The following HIRA variants were observed in gnomAD, a reference collection of about 807,000 sequenced individuals.
HIRA encodes the protein protein HIRA.
HIRA carries 13 observed loss-of-function variants against 126.6 expected under a neutral mutation model. The ratio of observed to expected loss-of-function variants is 0.10; its 90% CI spans 0.07 to 0.16. The LOEUF is 0.16. HIRA is among the 10% of genes least tolerant of loss of function. HIRA has a pLI of 1.00. For synonymous variants in HIRA, 511 were observed against 520.0 expected (o/e 0.98, Z 0.24); for missense variants, 834 against 1,314.4 (o/e 0.63, Z 5.65).
chr22:19,403,844 C>T (rs2089288464), intron 5 of HIRA, among the ~76,000 whole-genome samples: 1 of 152,206 alleles, frequency 6.6e-6, no homozygotes, highest in Non-Finnish European at 1.5e-5. Flanking sequence ...AATGCACCTA[C>T]AACTAATTTA....
chr22:19,365,499 A>G lies in HIRA; in HGVS notation c.1776-3568T>C, dbSNP rs559481518. 7.9e-5 allele frequency among the ~76,000 whole-genome samples: 12 copies of G among 152,354 alleles called. No individual in the cohort carries two copies. The South Asian group carries it at 2.3e-3, about 29-fold the overall frequency. On this transcript the variant is annotated intron_variant, in intron 15 of 24. Transcript: ENST00000263208. The stretch of plus-strand genomic sequence containing the variant: ...GGCCCTTAAGAATTATTCTAAATCT[A>G]TAAATGCAACAAGAAAGCCTAGATG...
At chr22:19,415,049 G>A (rs901719859) in intron 1 of HIRA, among the ~76,000 whole-genome samples, 9 of 152,046 alleles carry the variant, frequency 5.9e-5, no homozygotes, top group African/African-American at 1.7e-4. Flanking sequence ...AAGTTCAAGC[G>A]ATTCTCCTGC....
chr22:19,431,336 G>C, intron 1 of HIRA, 104 bp downstream of exon 1: 1 of 1,297,634 alleles, frequency 7.7e-7, no homozygotes. Context: ...ACCGGGTACC[G>C]GGCGTCAGGG....
chr22:19,359,621 G>T, intron 17 of HIRA, 137 bp from the exon 18 acceptor site: 1 of 949,960 alleles, frequency 1.1e-6, no homozygotes, highest in Non-Finnish European at 1.5e-6. Flanking sequence ...AGGAGAGGGA[G>T]GGCAGGTAGG....
intron 15 of HIRA, among the ~76,000 whole-genome samples, chr22:19,362,878 TA>T (rs2032856640): frequency 6.6e-6 from 1 of 150,810 alleles, no homozygotes; most frequent in Non-Finnish European, 1.5e-5. Flanking sequence ...CTGAATCATA[TA>T]AAATACTCAG....
chr22:19,384,433 G>A (rs5746732), intron 12 of HIRA, among the ~76,000 whole-genome samples: 20,777 of 150,522 alleles, frequency 0.14, 2,839 homozygotes, highest in African/African-American at 0.35. Flanking sequence ...TATGTCAATT[G>A]TACTTCAACA....
At chr22:19,339,599 G>A (rs1320259354) in intron 24 of HIRA, among the ~76,000 whole-genome samples, 3 of 149,194 alleles carry the variant, frequency 2.0e-5, no homozygotes, top group Admixed American at 6.7e-5. Context: ...ATGCACCACT[G>A]CACTCCAGCC....
At chr22:19,400,205 C>T (rs2089256705) in intron 5 of HIRA, among the ~76,000 whole-genome samples, 1 of 152,144 alleles carries the variant, frequency 6.6e-6, no homozygotes, top group Non-Finnish European at 1.5e-5. Flanking sequence ...CCTTGTTAAC[C>T]TTGAAAAATA....
intron 5 of HIRA, 87 bp from the exon 6 acceptor site, chr22:19,398,174 AC>A: frequency 1.2e-6 from 1 of 863,432 alleles, no homozygotes; most frequent in Non-Finnish European, 1.9e-6. Context: ...GGGACCTGGG[AC>A]CATCATAACC....
Position 19,383,627 on chromosome 22 carries a change from C to G in HIRA, c.1408G>C (p.Asp470His). 3 of 1,612,984 alleles carry G rather than the reference C, an allele frequency of 1.9e-6. No homozygotes were observed. The highest frequency in any genetic ancestry group is 2.5e-6 in the Non-Finnish European group (3 of 1,178,942). The change falls in exon 13 of 25, where the codon GAC becomes CAC. Residue 470 changes from aspartate to histidine, a missense_variant. Coordinates refer to ENST00000263208, the MANE Select transcript of HIRA (RefSeq NM_003325.4). ...RITPLCIAQL[D>H]TGDFSTAFFN... is the part of the protein sequence containing the mutation. ...AGGGGAATGAACCAGTACCCAGTGT[C>G]CAGCTGTGCTATGCAGAGAGGCGTG...
At chr22:19,355,937 A>G in intron 20 of HIRA, 72 bp from the exon 21 acceptor site, 1 of 1,081,890 alleles carries the variant, frequency 9.2e-7, no homozygotes, top group Non-Finnish European at 1.4e-6. Context: ...TCAAAGGAGA[A>G]ATCTGTACTC....
At chr22:19,371,699 T>C (rs1202937790) in intron 15 of HIRA, among the ~76,000 whole-genome samples, 1 of 152,240 alleles carries the variant, frequency 6.6e-6, no homozygotes, top group Non-Finnish European at 1.5e-5. Flanking sequence ...ATTCTGGACA[T>C]TTCCTATCAA....
At chr22:19,394,235 T>C in intron 8 of HIRA, 107 bp downstream of exon 8, 5 of 1,330,648 alleles carry the variant, frequency 3.8e-6, no homozygotes, top group Non-Finnish European at 5.1e-6. Context: ...TACTCTATTT[T>C]GTAAAATTAG....
intron 5 of HIRA, among the ~76,000 whole-genome samples, chr22:19,399,652 G>A (rs2089251353): frequency 6.6e-6 from 1 of 152,146 alleles, no homozygotes; most frequent in Non-Finnish European, 1.5e-5. Flanking sequence ...TCATAAAACT[G>A]TAGACTGCTT....
chr22:19,331,527 C>A lies in HIRA; in HGVS notation c.2967G>T (p.Glu989Asp), dbSNP rs1556004621. Residue 989 changes from glutamate (E) to aspartate (D), a missense_variant, in exon 25 of 25, where the codon GAG becomes GAT. By Grantham distance (45) the Glu-to-Asp change is conservative (BLOSUM62 2). Transcript: ENST00000263208. ...VGLRKRELLK[E>D]LLPVIGQNLR... is the part of the protein sequence containing the mutation. ...GGTTCTGCCCGATGACTGGTAGCAG[C>A]TCCTTCAGCAGCTCCCTCTTCCGCA... 3 of 1,609,542 alleles carry A rather than the reference C, an allele frequency of 1.9e-6. No homozygotes were observed. The highest frequency in any genetic ancestry group is 1.7e-6 in the Non-Finnish European group (2 of 1,176,970).
intron 9 of HIRA, among the ~76,000 whole-genome samples, chr22:19,389,722 A>G (rs546760878): frequency 2.0e-5 from 3 of 152,254 alleles, no homozygotes; most frequent in Admixed American, 6.5e-5. Flanking sequence ...AAATATGGGC[A>G]TCACAGTCAG....
At chr22:19,413,524 G>A (rs771756725) in intron 1 of HIRA, among the ~76,000 whole-genome samples, 36 of 152,048 alleles carry the variant, frequency 2.4e-4, no homozygotes, top group Non-Finnish European at 5.0e-4. Context: ...CTGGCTCCCC[G>A]CCTCCTTACA....
At chr22:19,390,592 A>C (rs2089169389) in intron 9 of HIRA, among the ~76,000 whole-genome samples, 1 of 118,064 alleles carries the variant, frequency 8.5e-6, no homozygotes, top group Admixed American at 9.4e-5. Context: ...ATAGAGGGAG[A>C]CTCTGTCTCA....
At chr22:19,364,333 C>T (rs1369053563) in intron 15 of HIRA, among the ~76,000 whole-genome samples, 2 of 152,088 alleles carry the variant, frequency 1.3e-5, no homozygotes. Context: ...GAAGACAGAA[C>T]AATTCTGAAT....
Sources: allele counts gnomAD v4.1 joint callset (sites outside exome capture counted in the v4.1 genomes callset), GRCh38; gene constraint gnomAD v4.1.1; transcripts MANE v1.5; gene names NCBI Gene and HGNC (gene_info 2026-07-23, HGNC 2026-07-21).